The following PLB1 variants were observed in gnomAD, a reference collection of about 807,000 sequenced individuals.
PLB1 encodes phospholipase B1, membrane-associated.
Under a neutral mutation model 227.4 loss-of-function variants are expected in PLB1, and 242 were observed. That is an observed-to-expected ratio of 1.06 (90% CI 0.96 to 1.18). PLB1 has a LOEUF of 1.18. Ranked by LOEUF, PLB1 falls within the 50% of genes most tolerant of loss-of-function variation. PLB1 has a pLI of 0.00. For missense variants in PLB1, 1,858 were observed against 1,816.3 expected, an observed-to-expected ratio of 1.02 and a Z score of -0.42; for synonymous variants, 757 against 682.2, an observed-to-expected ratio of 1.11 and a Z score of -1.71.
chr2:28,527,397 C>G (rs1670413473), intron 6 of PLB1, among the ~76,000 whole-genome samples: 1 of 152,204 alleles, frequency 6.6e-6, no homozygotes, highest in Non-Finnish European at 1.5e-5. Context: ...AGCTGGGTGG[C>G]TGAGCCAGCA....
intron 41 of PLB1, among the ~76,000 whole-genome samples, chr2:28,605,631 G>A (rs184274415): frequency 3.0e-4 from 45 of 152,318 alleles, no homozygotes; most frequent in African/African-American, 1.1e-3. Context: ...AGGGGCACTT[G>A]TAGGGTCAAA....
In PLB1 at chr2:28,643,357, C is replaced by T; in HGVS notation, c.*296C>T. On this transcript the variant is annotated 3_prime_UTR_variant, in exon 58 of 58. Transcript: ENST00000327757. ...GCCACTTTTTGTGGCCTGCCTCCAG[C>T]AGGGCTGCCCAAGCCACGACCAACC... 3.8e-6 allele frequency: 1 copy of T among 266,012 alleles called. No individual in the cohort carries two copies. The highest frequency in any genetic ancestry group is 7.1e-6 in the Non-Finnish European group (1 of 141,138). 16.5% of individuals were successfully genotyped at this position (266,012 alleles called of 1,614,324 possible). A position where few individuals can be genotyped will look rare whatever the true frequency, so the allele number is the denominator to read the frequency against.
chr2:28,608,941 G>A (rs192286335), intron 43 of PLB1, among the ~76,000 whole-genome samples: 6 of 152,100 alleles, frequency 3.9e-5, no homozygotes, highest in African/African-American at 1.4e-4. Context: ...TTGAAACAGG[G>A]TCTTGCTCCG....
rs1447886096 is a variant in PLB1, at chr2:28,604,743, A to G, written c.2945A>G (p.Gln982Arg). 22 of 1,613,962 alleles carry G rather than the reference A, an allele frequency of 1.4e-5. No individual in the cohort carries two copies. The highest frequency in any genetic ancestry group is 1.6e-5 in the Non-Finnish European group (19 of 1,179,982). Residue 982 changes from glutamine to arginine, a missense_variant, in exon 41 of 58, where the codon CAG becomes CGG. Transcript: ENST00000327757. ...CTGCAGCCCTTCTTCCAGAACATCC[A>G]GCTCCCTGTCCTGGCGGTATGTCCC... ...VVLQPFFQNI[Q>R]LPVLADGLPD...
At chr2:28,533,314 A>G (rs12472104) in intron 9 of PLB1, among the ~76,000 whole-genome samples, 14 of 152,256 alleles carry the variant, frequency 9.2e-5, no homozygotes, top group Admixed American at 9.2e-4. Context: ...GGTTTTTAGC[A>G]TATAGATAAT....
intron 21 of PLB1, among the ~76,000 whole-genome samples, chr2:28,577,880 C>T (rs942669603): frequency 2.0e-5 from 3 of 152,172 alleles, no homozygotes; most frequent in Non-Finnish European, 4.4e-5. Context: ...GAGAATCACC[C>T]CCTCCTACGT....
At chr2:28,598,469 G>A (rs1440799273) in intron 34 of PLB1, among the ~76,000 whole-genome samples, 183 bp from the exon 35 acceptor site, 3 of 152,146 alleles carry the variant, frequency 2.0e-5, no homozygotes, top group African/African-American at 7.2e-5. Context: ...CTAGTCATCA[G>A]GTCATGTCAA....
At chr2:28,604,522 T>A in intron 40 of PLB1, 133 bp from the exon 41 acceptor site, 3 of 630,282 alleles carry the variant, frequency 4.8e-6, no homozygotes, top group Non-Finnish European at 8.3e-6. Context: ...TCAGGTGATT[T>A]GTGTTCTCAA....
intron 45 of PLB1, 69 bp from the exon 46 acceptor site, chr2:28,618,272 G>A: frequency 1.4e-6 from 2 of 1,386,998 alleles, no homozygotes; most frequent in South Asian, 1.2e-5. Context: ...TAGACTTCTG[G>A]TAAAATGTGT....
intron 2 of PLB1, among the ~76,000 whole-genome samples, chr2:28,517,796 G>C (rs559903360): frequency 1.3e-5 from 2 of 151,472 alleles, no homozygotes; most frequent in Admixed American, 1.3e-4. Flanking sequence ...CCATGTTTGA[G>C]TGCACAATTC....
chr2:28,508,599 T>C (rs1305677705), intron 1 of PLB1, among the ~76,000 whole-genome samples: 1 of 152,216 alleles, frequency 6.6e-6, no homozygotes, highest in Non-Finnish European at 1.5e-5. Flanking sequence ...AGCCACCTTG[T>C]GCAGTGCAGC....
intron 41 of PLB1, among the ~76,000 whole-genome samples, chr2:28,605,369 T>C (rs1384173904): frequency 6.6e-6 from 1 of 152,148 alleles, no homozygotes; most frequent in Non-Finnish European, 1.5e-5. Flanking sequence ...AGCAGCTCTA[T>C]GCACCCCCAG....
rs764078997 is a variant in PLB1 at position 28,591,680 on chromosome 2, G to T, written c.2128-20G>T. The T allele has an allele frequency of 1.1e-5, 17 of 1,613,058 alleles. No homozygotes were observed. Among genetic ancestry groups the T allele is most frequent in the Middle Eastern group, 1.6e-4 (1 of 6,076 alleles). ...GTCCCTTTCAACCCTGAGATTCTGG[G>T]ATTTGTTCTATGCCCTTAGGGTCAT... On this transcript the variant is annotated intron_variant, in intron 30 of 57. Transcript: ENST00000327757.
chr2:28,583,956 T>C (rs1401899469), intron 25 of PLB1, among the ~76,000 whole-genome samples: 1 of 152,148 alleles, frequency 6.6e-6, no homozygotes, highest in Non-Finnish European at 1.5e-5. Flanking sequence ...AATAAGACGT[T>C]CCTCTAAGTG....
chr2:28,610,966 C>T (rs923537476), intron 43 of PLB1, among the ~76,000 whole-genome samples: 12 of 152,196 alleles, frequency 7.9e-5, no homozygotes, highest in African/African-American at 2.7e-4. Flanking sequence ...TTCACGTCAT[C>T]TGCTTTGGCT....
At chr2:28,577,997 G>A in intron 21 of PLB1, 110 bp from the exon 22 acceptor site, 2 of 1,026,464 alleles carry the variant, frequency 1.9e-6, no homozygotes, top group Non-Finnish European at 1.5e-6. Flanking sequence ...TTTCCTGCAG[G>A]AGGCCCACCC....
chr2:28,602,538 C>G (rs970171519), intron 38 of PLB1, among the ~76,000 whole-genome samples: 6 of 152,232 alleles, frequency 3.9e-5, no homozygotes, highest in African/African-American at 1.4e-4. Context: ...TCTAATGTAT[C>G]TGGGCTTGCT....
At chr2:28,576,686 C>T (rs1481957520) in intron 21 of PLB1, among the ~76,000 whole-genome samples, 6 of 152,128 alleles carry the variant, frequency 3.9e-5, no homozygotes, top group Non-Finnish European at 7.4e-5. Flanking sequence ...ACTGAGATCA[C>T]GCCATTGCAC....
At chr2:28,518,608 ATTC>A (rs1669134221) in intron 3 of PLB1, 76 bp downstream of exon 3, 2 of 1,115,484 alleles carry the variant, frequency 1.8e-6, no homozygotes, top group Non-Finnish European at 1.4e-6. Context: ...CTCTAACCCT[ATTC>A]TTCTTGGACC....
Sources: gnomAD v4.1 joint callset for allele counts (sites outside exome capture counted in the v4.1 genomes callset) on GRCh38, gnomAD v4.1.1 for gene constraint, MANE v1.5 for transcripts, NCBI Gene and HGNC (gene_info 2026-07-23, HGNC 2026-07-21) for gene names.